The following EIF4ENIF1 variants were observed in gnomAD, a reference collection of about 807,000 sequenced individuals.
EIF4ENIF1 encodes eukaryotic translation initiation factor 4E nuclear import factor 1.
In EIF4ENIF1, 23 loss-of-function variants were observed where a neutral mutation model predicts 110.5. That is an observed-to-expected ratio of 0.21 (90% CI 0.15 to 0.29). The LOEUF is 0.29. Ranked by LOEUF, EIF4ENIF1 falls within the 10% of genes least tolerant of loss-of-function variation. EIF4ENIF1 has a pLI of 1.00. For synonymous variants in EIF4ENIF1, 440 were observed against 437.0 expected, an observed-to-expected ratio of 1.01 and a Z score of -0.09; for missense variants, 1,031 against 1,221.1, an observed-to-expected ratio of 0.84 and a Z score of 2.32.
intron 4 of EIF4ENIF1, among the ~76,000 whole-genome samples, chr22:31,467,585 G>A (rs2051232401): frequency 6.6e-6 from 1 of 152,100 alleles, no homozygotes; most frequent in Non-Finnish European, 1.5e-5. Context: ...AGCATTTTGG[G>A]AGGCCGAGGT....
chr22:31,454,486 T>A (rs1191282424), intron 9 of EIF4ENIF1, 110 bp from the exon 10 acceptor site: 1 of 920,332 alleles, frequency 1.1e-6, no homozygotes, highest in Non-Finnish European at 1.6e-6. Flanking sequence ...AAAATTGAGA[T>A]GAGACTGTCA....
intron 2 of EIF4ENIF1, among the ~76,000 whole-genome samples, chr22:31,486,266 GT>G (rs1386290872): frequency 2.8e-5 from 2 of 72,008 alleles, no homozygotes; most frequent in African/African-American, 1.2e-4. Flanking sequence ...GCGAAACTCC[GT>G]CTCAAAAAAA....
chr22:31,445,961 C>T lies in EIF4ENIF1; in HGVS notation c.1989-1271G>A, dbSNP rs868442270. Reference sequence around the variant, plus strand: ...AAATGCAGTTACGTACCGCCCCCCCCCCCCATCTACCTCACAGGGTTGATA... The same window carrying T: ...AAATGCAGTTACGTACCGCCCCCCCTCCCCATCTACCTCACAGGGTTGATA... On this transcript the variant is annotated intron_variant, in intron 14 of 18. Transcript: ENST00000330125. Among the ~76,000 whole-genome samples the T allele has an allele frequency of 3.2e-4, 48 of 148,248 alleles. 2 individuals carry two copies. The highest frequency in any genetic ancestry group is 1.0e-3 in the African/African-American group (42 of 40,164).
At chr22:31,470,832 T>C (rs1433851519) in intron 3 of EIF4ENIF1, among the ~76,000 whole-genome samples, 1 of 151,394 alleles carries the variant, frequency 6.6e-6, no homozygotes, top group African/African-American at 2.4e-5. Flanking sequence ...ATAGGCACTA[T>C]AGTACCATAG....
chr22:31,462,813 C>T (rs2051039163), intron 6 of EIF4ENIF1, 119 bp downstream of exon 6: 1 of 1,016,568 alleles, frequency 9.8e-7, no homozygotes, highest in African/African-American at 1.6e-5. Context: ...AAACTCCTGA[C>T]CTCAGGTGAT....
At chr22:31,471,577 G>C (rs559024516) in intron 3 of EIF4ENIF1, among the ~76,000 whole-genome samples, 3 of 152,328 alleles carry the variant, frequency 2.0e-5, no homozygotes, top group African/African-American at 4.8e-5. Flanking sequence ...GCCTCCCAAA[G>C]TGCTGGGATT....
Position 31,441,805 on chromosome 22 carries a change from A to ATGT in EIF4ENIF1, c.2517_2519dup (p.Val839_His840insGln). 2 of 1,613,568 alleles carry ATGT rather than the reference A, an allele frequency of 1.2e-6. No individual in the cohort carries two copies. Among genetic ancestry groups the ATGT allele is most frequent in the Non-Finnish European group, 1.7e-6 (2 of 1,179,662 alleles). ...GGAGCAAACTTGGAAGATGCTGTGG[A>ATGT]TGTACTCCCTGGGCCAGCATCCTCT... On this transcript the variant is annotated inframe_insertion, in exon 17 of 19. Coordinates refer to ENST00000330125, the MANE Select transcript of EIF4ENIF1 (RefSeq NM_019843.4).
At chr22:31,470,778 G>A (rs868269094) in intron 3 of EIF4ENIF1, among the ~76,000 whole-genome samples, 3 of 150,594 alleles carry the variant, frequency 2.0e-5, no homozygotes, top group African/African-American at 7.3e-5. Flanking sequence ...AAGCTCCTGG[G>A]CTCAAGCAAA....
chr22:31,468,998 G>T (rs541415579), intron 3 of EIF4ENIF1, among the ~76,000 whole-genome samples: 1 of 152,210 alleles, frequency 6.6e-6, no homozygotes, highest in Non-Finnish European at 1.5e-5. Flanking sequence ...CTCACCAGAA[G>T]TAGCACCTGG....
At chr22:31,458,045 T>C (rs1181616165) in intron 7 of EIF4ENIF1, among the ~76,000 whole-genome samples, 2 of 152,092 alleles carry the variant, frequency 1.3e-5, no homozygotes, top group Middle Eastern at 3.4e-3. Context: ...CTGGCCAACA[T>C]AGTGAAACCC....
At chr22:31,462,805 A>G in intron 6 of EIF4ENIF1, 127 bp downstream of exon 6, 1 of 928,028 alleles carries the variant, frequency 1.1e-6, no homozygotes. Context: ...CTGGTCTCAA[A>G]CTCCTGACCT....
chr22:31,488,539 A>C, intron 2 of EIF4ENIF1, 84 bp downstream of exon 2: 1 of 1,562,808 alleles, frequency 6.4e-7, no homozygotes, highest in Non-Finnish European at 8.7e-7. Context: ...TGAGATTACC[A>C]CTTAATAGGA....
intron 2 of EIF4ENIF1, among the ~76,000 whole-genome samples, chr22:31,479,643 T>C (rs568488768): frequency 1.4e-4 from 21 of 151,710 alleles, no homozygotes; most frequent in African/African-American, 4.6e-4. Flanking sequence ...TTCCTTCTTA[T>C]GAGTATTTCA....
At chr22:31,448,088 A>G in intron 13 of EIF4ENIF1, 65 bp downstream of exon 13, 2 of 1,556,198 alleles carry the variant, frequency 1.3e-6, no homozygotes, top group Non-Finnish European at 1.8e-6. Flanking sequence ...TCAGCTCTCC[A>G]CTCCCCATGC....
intron 11 of EIF4ENIF1, among the ~76,000 whole-genome samples, 184 bp from the exon 12 acceptor site, chr22:31,449,715 G>A (rs1429016373): frequency 2.0e-5 from 3 of 149,730 alleles, no homozygotes; most frequent in Non-Finnish European, 4.4e-5. Context: ...CTCTAAGTTA[G>A]TGCTATAAAT....
chr22:31,490,638 A>C (rs2052243199), upstream of EIF4ENIF1, among the ~76,000 whole-genome samples: 1 of 152,164 alleles, frequency 6.6e-6, no homozygotes, highest in Non-Finnish European at 1.5e-5. Context: ...TGAGACGGCG[A>C]ATGTCAAGTG....
chr22:31,480,316 C>G (rs1384607727), intron 2 of EIF4ENIF1, among the ~76,000 whole-genome samples: 1 of 152,226 alleles, frequency 6.6e-6, no homozygotes, highest in Non-Finnish European at 1.5e-5. Context: ...AAATGAATCT[C>G]AACAAAAGCC....
intron 8 of EIF4ENIF1, among the ~76,000 whole-genome samples, chr22:31,455,565 AT>A (rs966008120): frequency 6.6e-6 from 1 of 151,756 alleles, no homozygotes; most frequent in Non-Finnish European, 1.5e-5. Flanking sequence ...CGCCTGGCTG[AT>A]TTTTGTATTT....
chr22:31,473,036 T>C (rs563219128), intron 2 of EIF4ENIF1, among the ~76,000 whole-genome samples: 4 of 152,014 alleles, frequency 2.6e-5, no homozygotes, highest in Non-Finnish European at 5.9e-5. Context: ...CGAAGCCAAG[T>C]TTTTTTGGCT....
Sources: allele counts gnomAD v4.1 joint callset (sites outside exome capture counted in the v4.1 genomes callset), GRCh38; gene constraint gnomAD v4.1.1; transcripts MANE v1.5; gene names NCBI Gene and HGNC (gene_info 2026-07-23, HGNC 2026-07-21).